Variants in MRPS9 observed in about 807,000 individuals in gnomAD.
The protein encoded by MRPS9 is mitochondrial ribosomal protein S9, also known as small ribosomal subunit protein uS9m.
A neutral mutation model predicts 59.9 loss-of-function variants in MRPS9; 45 were observed. That is an observed-to-expected ratio of 0.75 (90% CI 0.59 to 0.96). The LOEUF (loss-of-function observed/expected upper bound fraction) is 0.96, where lower values mean the gene tolerates loss of function less well. Ranked by LOEUF, MRPS9 falls within the 40% of genes least tolerant of loss-of-function variation. The probability of loss-of-function intolerance (pLI) is 0.00; values close to 1 mark genes in which losing one functional copy is unlikely to be tolerated. For missense variants in MRPS9, 473 were observed against 481.1 expected (o/e 0.98, Z 0.16); for synonymous variants, 171 against 166.8 (o/e 1.03, Z -0.19).
At chr2:105,040,137 A>G (rs2104435281) in intron 1 of MRPS9, among the ~76,000 whole-genome samples, 1 of 152,264 alleles carries the variant, frequency 6.6e-6, no homozygotes, top group East Asian at 1.9e-4. Context: ...GATTGCATAC[A>G]TATACCTAAA....
chr2:105,042,211 G>A (rs900192685), intron 1 of MRPS9, among the ~76,000 whole-genome samples: 1 of 152,228 alleles, frequency 6.6e-6, no homozygotes, highest in African/African-American at 2.4e-5. Context: ...ATTGGCCGGG[G>A]CTGCAGTCAT....
intron 1 of MRPS9, among the ~76,000 whole-genome samples, chr2:105,040,769 G>C (rs1296200650): frequency 1.3e-5 from 2 of 152,152 alleles, no homozygotes; most frequent in African/African-American, 2.4e-5. Context: ...ATGGTGTACT[G>C]TGATATTTAC....
At chr2:105,070,002 G>A (rs913023072) in intron 2 of MRPS9, among the ~76,000 whole-genome samples, 4 of 152,084 alleles carry the variant, frequency 2.6e-5, no homozygotes, top group South Asian at 2.1e-4. Flanking sequence ...ACAGAGTGAG[G>A]TTCTGATCTA....
chr2:105,053,745 A>G (rs1345650073), intron 2 of MRPS9, among the ~76,000 whole-genome samples: 1 of 152,182 alleles, frequency 6.6e-6, no homozygotes, highest in African/African-American at 2.4e-5. Context: ...CTATGTAAAG[A>G]TAAGTGGTGG....
chr2:105,069,698 T>C (rs949721290), intron 2 of MRPS9, among the ~76,000 whole-genome samples: 1 of 152,148 alleles, frequency 6.6e-6, no homozygotes, highest in African/African-American at 2.4e-5. Flanking sequence ...TGGATTTTGG[T>C]TGTATCTTTT....
chr2:105,099,563 C>CT (rs1264664553), intron 10 of MRPS9, 107 bp from the exon 11 acceptor site: 1 of 1,008,448 alleles, frequency 9.9e-7, no homozygotes, highest in Non-Finnish European at 1.4e-6. Context: ...TTGCTTTCCT[C>CT]TAGTTTTTTT....
rs201203719 is a variant in MRPS9 at position 105,097,322 on chromosome 2, A to G, written c.1097A>G (p.Gln366Arg). ...GAGGACGAGGTCGAGTGGATGAGAC[A>G]AGGTATGAGTCTAGGTGGGACGGGC... is the stretch of plus-strand genomic sequence containing the variant. ...VTEDEVEWMR[Q>R]AGLLTTDPRV... Residue 366 changes from glutamine (Q) to arginine (R), a missense_variant and splice_region_variant, in exon 10 of 11, where the codon CAA becomes CGA. Transcript: ENST00000258455. 1 of 1,603,756 alleles carries G rather than the reference A, an allele frequency of 6.2e-7. No individual in the cohort carries two copies. The highest frequency in any genetic ancestry group is 1.7e-5 in the Admixed American group (1 of 58,720).
In MRPS9 at chr2:105,049,359, A is replaced by G; in HGVS notation, c.315+9A>G. On this transcript the variant is annotated intron_variant, in intron 2 of 10. Transcript: ENST00000258455. ...CTCAAGAAGATATTGACGTAAGTAC[A>G]GTTACTCTGTTGAAAAAGTAATTGC... The G allele has an allele frequency of 6.3e-7, 1 of 1,597,334 alleles. No homozygotes were observed. Among genetic ancestry groups the G allele is most frequent in the South Asian group, 1.1e-5 (1 of 87,582 alleles).
At chr2:105,065,554 T>C (rs977724820) in intron 2 of MRPS9, among the ~76,000 whole-genome samples, 8 of 152,218 alleles carry the variant, frequency 5.3e-5, no homozygotes, top group Non-Finnish European at 8.8e-5. Context: ...TTGATATCCT[T>C]GCACATCAGA....
intron 2 of MRPS9, among the ~76,000 whole-genome samples, chr2:105,062,062 C>T (rs1386295971): frequency 6.6e-6 from 1 of 152,136 alleles, no homozygotes; most frequent in Non-Finnish European, 1.5e-5. Flanking sequence ...ATACAGACTA[C>T]AAGAAGTCTG....
intron 10 of MRPS9, among the ~76,000 whole-genome samples, chr2:105,097,799 C>T (rs746123170): frequency 2.0e-5 from 3 of 152,170 alleles, no homozygotes; most frequent in South Asian, 2.1e-4. Context: ...CTTCTGGGCT[C>T]GAGCAATCCT....
At position 105,044,236 on chromosome 2, in the gene MRPS9, A is replaced by G. The variant is rs1679553648; in HGVS notation, c.136-4935A>G. Among the ~76,000 whole-genome samples the G allele has an allele frequency of 2.6e-5, 4 of 152,230 alleles. No homozygotes were observed. The South Asian group carries it at 8.3e-4, about 32-fold the overall frequency. ...GCATGAGCCACTGCGCCTGGCTGCA[A>G]ATTGTTCTTAACAGTGGCAAAGCAA... On this transcript the variant is annotated intron_variant, in intron 1 of 10. Coordinates refer to ENST00000258455, the MANE Select transcript of MRPS9 (RefSeq NM_182640.3).
intron 9 of MRPS9, among the ~76,000 whole-genome samples, chr2:105,093,923 C>T (rs927295412): frequency 6.6e-6 from 1 of 152,128 alleles, no homozygotes; most frequent in African/African-American, 2.4e-5. Context: ...TTCTGAAGTG[C>T]AGACTGTGCC....
At chr2:105,047,894 C>G (rs928435982) in intron 1 of MRPS9, among the ~76,000 whole-genome samples, 39 of 151,930 alleles carry the variant, frequency 2.6e-4, no homozygotes, top group African/African-American at 8.0e-4. Context: ...GGTATATACC[C>G]AGTAATGGGA....
At position 105,038,134 on chromosome 2, in the gene MRPS9, C is replaced by T; in HGVS notation, c.42C>T (p.Tyr14=). 6.2e-7 allele frequency: 1 copy of T among 1,613,942 alleles called. No individual in the cohort carries two copies. Among genetic ancestry groups the T allele is most frequent in the African/African-American group, 1.3e-5 (1 of 75,054 alleles). ...TGTCCTACGGCGGAGCAGTTTCGTACCGGCTTCTTCTCTGGGGTAGGGGTA... is the reference window on the plus strand; with the variant it reads ...TGTCCTACGGCGGAGCAGTTTCGTATCGGCTTCTTCTCTGGGGTAGGGGTA... ...PCVSYGGAVS[Y]RLLLWGRGSL... is the part of the protein sequence containing the mutation. Residue 14 remains tyrosine (Y), a synonymous_variant, in exon 1 of 11, where the codon TAC becomes TAT. Coordinates refer to ENST00000258455, the MANE Select transcript of MRPS9 (RefSeq NM_182640.3).
At chr2:105,083,640 AAC>A (rs1358406293) in intron 5 of MRPS9, among the ~76,000 whole-genome samples, 6 of 152,150 alleles carry the variant, frequency 3.9e-5, no homozygotes, top group African/African-American at 7.2e-5. Context: ...GCATGTCTGT[AAC>A]ACAGCTCTTC....
intron 2 of MRPS9, among the ~76,000 whole-genome samples, chr2:105,060,113 C>T (rs1283935573): frequency 1.3e-5 from 2 of 151,502 alleles, no homozygotes; most frequent in East Asian, 3.9e-4. Context: ...TGAGCCTTCC[C>T]CAACCACATC....
chr2:105,071,621 A>C, intron 4 of MRPS9, 132 bp downstream of exon 4: 1 of 778,758 alleles, frequency 1.3e-6, no homozygotes, highest in Non-Finnish European at 2.1e-6. Context: ...TAGGTCAAAA[A>C]ATTTTGTAAC....
chr2:105,093,379 T>C (rs2104469825), intron 8 of MRPS9, 151 bp from the exon 9 acceptor site: 1 of 431,300 alleles, frequency 2.3e-6, no homozygotes, highest in Non-Finnish European at 4.2e-6. Flanking sequence ...TTACCTGCTT[T>C]ATTTTTGTTT....
Sources: gnomAD v4.1 joint callset for allele counts (sites outside exome capture counted in the v4.1 genomes callset) on GRCh38, gnomAD v4.1.1 for gene constraint, MANE v1.5 for transcripts, NCBI Gene and HGNC (gene_info 2026-07-23, HGNC 2026-07-21) for gene names.